The following SCHIP1 variants were observed in gnomAD, a reference collection of about 807,000 sequenced individuals.
SCHIP1 encodes schwannomin-interacting protein 1.
In SCHIP1, 8 loss-of-function variants were observed where a neutral mutation model predicts 29.7. The observed-to-expected ratio is 0.27, with a 90% CI of 0.16 to 0.49. The LOEUF (loss-of-function observed/expected upper bound fraction) is 0.49, where lower values mean the gene tolerates loss of function less well. Among genes scored for constraint, SCHIP1 ranks in the 20% least tolerant of loss-of-function variants. SCHIP1 has a pLI of 0.99. For synonymous variants in SCHIP1, 76 were observed against 94.9 expected, an observed-to-expected ratio of 0.80 and a Z score of 1.16; for missense variants, 193 against 294.6, an observed-to-expected ratio of 0.66 and a Z score of 2.52.
At chr3:159,491,809 T>A in the SCHIP1 span, among the ~76,000 whole-genome samples, 2 of 152,232 alleles carry the variant, frequency 1.3e-5, no homozygotes, top group Admixed American at 1.3e-4. Flanking sequence ...CCTCCTCAAG[T>A]GGGTCCCTGA....
At chr3:159,324,556 C>T in the SCHIP1 span, among the ~76,000 whole-genome samples, 6 of 151,970 alleles carry the variant, frequency 3.9e-5, no homozygotes, top group Non-Finnish European at 8.8e-5. Flanking sequence ...TTTTTAAGTG[C>T]TCCCAGGCCA....
chr3:159,771,694 T>G, the SCHIP1 span, among the ~76,000 whole-genome samples: 1 of 11,696 alleles, frequency 8.5e-5, no homozygotes, highest in Non-Finnish European at 1.3e-4. Flanking sequence ...TCTTTGTTGT[T>G]TTTTTTTTTT....
At chr3:159,557,051 G>A in the SCHIP1 span, among the ~76,000 whole-genome samples, 1,167 of 151,250 alleles carry the variant, frequency 7.7e-3, 7 homozygotes, top group African/African-American at 0.021. Flanking sequence ...TCCGCCTCCC[G>A]GGTTCACGCC....
At chr3:159,431,101 A>T in the SCHIP1 span, among the ~76,000 whole-genome samples, 241 of 152,314 alleles carry the variant, frequency 1.6e-3, no homozygotes, top group Non-Finnish European at 3.2e-3. Context: ...GAATTTGAGA[A>T]GTAGAGCATT....
intron 2 of SCHIP1, among the ~76,000 whole-genome samples, chr3:159,870,430 T>C (rs1246243457): frequency 6.6e-6 from 1 of 152,014 alleles, no homozygotes; most frequent in Non-Finnish European, 1.5e-5. Context: ...TTATCATGAA[T>C]GGGTATTTAA....
chr3:159,632,211 A>G, the SCHIP1 span, among the ~76,000 whole-genome samples: 1 of 152,182 alleles, frequency 6.6e-6, no homozygotes, highest in Non-Finnish European at 1.5e-5. Flanking sequence ...GAGGAGATGT[A>G]GCCTGAATCC....
chr3:159,486,457 A>G, the SCHIP1 span, among the ~76,000 whole-genome samples: 93 of 152,308 alleles, frequency 6.1e-4, no homozygotes, highest in African/African-American at 2.2e-3. Flanking sequence ...GTTGTCACAA[A>G]TGGGAAGATT....
At chr3:159,806,371 C>G in the SCHIP1 span, among the ~76,000 whole-genome samples, 40 of 152,286 alleles carry the variant, frequency 2.6e-4, no homozygotes, top group Middle Eastern at 3.4e-3. Context: ...GGTAACAGGA[C>G]TTCTCCTGTG....
At chr3:159,539,562 T>A in the SCHIP1 span, among the ~76,000 whole-genome samples, 271 of 135,600 alleles carry the variant, frequency 2.0e-3, 78 homozygotes, top group East Asian at 0.066. Context: ...TCCCCCTTCA[T>A]GAATCTTCAC....
the SCHIP1 span, among the ~76,000 whole-genome samples, chr3:159,393,364 T>A: frequency 6.6e-6 from 1 of 152,116 alleles, no homozygotes; most frequent in South Asian, 2.1e-4. Context: ...TTGCTTTTGG[T>A]GTTTTAGACA....
At chr3:159,512,352 A>C in the SCHIP1 span, among the ~76,000 whole-genome samples, 1 of 152,212 alleles carries the variant, frequency 6.6e-6, no homozygotes, top group Non-Finnish European at 1.5e-5. Flanking sequence ...GGTAATATAA[A>C]GTCTTACAGC....
the SCHIP1 span, among the ~76,000 whole-genome samples, chr3:159,460,738 A>C: frequency 3.7e-4 from 56 of 152,250 alleles, 1 homozygote; most frequent in African/African-American, 1.3e-3. Flanking sequence ...TTAGTCTTGG[A>C]CAAACTTGGG....
At chr3:159,431,859 A>C in the SCHIP1 span, among the ~76,000 whole-genome samples, 1 of 151,776 alleles carries the variant, frequency 6.6e-6, no homozygotes, top group African/African-American at 2.4e-5. Flanking sequence ...TTTATCATTC[A>C]TGGTATTTTA....
the SCHIP1 span, among the ~76,000 whole-genome samples, chr3:159,564,712 C>G: frequency 6.6e-6 from 1 of 152,172 alleles, no homozygotes; most frequent in Non-Finnish European, 1.5e-5. Context: ...ATTATTTTTG[C>G]CTGTACAGCG....
chr3:159,730,604 G>T, the SCHIP1 span, among the ~76,000 whole-genome samples: 4 of 152,256 alleles, frequency 2.6e-5, no homozygotes, highest in Non-Finnish European at 1.5e-5. Context: ...CTAGAAATTA[G>T]ATTGCTGGAT....
At chr3:159,507,424 TG>T in the SCHIP1 span, among the ~76,000 whole-genome samples, 441 of 152,360 alleles carry the variant, frequency 2.9e-3, 1 homozygote, top group Middle Eastern at 0.017. Flanking sequence ...AGGGACAATT[TG>T]ACTTCCTCTT....
At chr3:159,420,641 C>T in the SCHIP1 span, among the ~76,000 whole-genome samples, 3 of 152,152 alleles carry the variant, frequency 2.0e-5, no homozygotes, top group Admixed American at 6.6e-5. Context: ...GAAGAGGTCT[C>T]AAAAGACAAT....
the SCHIP1 span, among the ~76,000 whole-genome samples, chr3:159,632,826 T>C: frequency 1.4e-4 from 21 of 152,260 alleles, 1 homozygote; most frequent in East Asian, 5.8e-4. Context: ...CAAAAGAAGA[T>C]AGGTTTAAAC....
the SCHIP1 span, among the ~76,000 whole-genome samples, chr3:159,650,080 C>A: frequency 3.9e-5 from 6 of 152,244 alleles, 1 homozygote; most frequent in African/African-American, 1.4e-4. Flanking sequence ...TTTTTTAATT[C>A]ATACTCTCAA....
Sources: allele counts gnomAD v4.1 joint callset (sites outside exome capture counted in the v4.1 genomes callset), GRCh38; gene constraint gnomAD v4.1.1; transcripts MANE v1.5; gene names NCBI Gene and HGNC (gene_info 2026-07-23, HGNC 2026-07-21).